The following DGUOK variants were observed in gnomAD, a reference collection of about 807,000 sequenced individuals.
The protein encoded by DGUOK is deoxyguanosine kinase, mitochondrial.
A neutral mutation model predicts 36.6 loss-of-function variants in DGUOK; 30 were observed. The ratio of observed to expected loss-of-function variants is 0.82; its 90% CI spans 0.61 to 1.11. The LOEUF is 1.11. Ranked by LOEUF, DGUOK falls within the 50% of genes most tolerant of loss-of-function variation. DGUOK has a pLI of 0.00. For missense variants in DGUOK, 361 were observed against 336.4 expected (o/e 1.07, Z -0.57); for synonymous variants, 145 against 126.3 (o/e 1.15, Z -0.99).
intron 2 of DGUOK, among the ~76,000 whole-genome samples, chr2:73,945,392 A>G (rs1682226473): frequency 6.6e-6 from 1 of 152,080 alleles, no homozygotes. Context: ...TCACCTTTAG[A>G]TGGAGGGTGT....
Position 73,950,645 on chromosome 2 carries a change from C to G in DGUOK, c.504C>G (p.Ile168Met), listed in dbSNP as rs546873527. The change falls in exon 4 of 7, where the codon ATC becomes ATG. Residue 168 changes from isoleucine (I) to methionine (M), a missense_variant. Coordinates refer to ENST00000264093, the MANE Select transcript of DGUOK (RefSeq NM_080916.3). ...NGSLSDIEWH[I>M]YQDWHSFLLW... ...CCCTCAGTGACATCGAGTGGCATAT[C>G]TATCAGGACTGGCATTCTTTTCTCC... 3 of 1,614,082 alleles carry G rather than the reference C, an allele frequency of 1.9e-6. No individual in the cohort carries two copies. Among genetic ancestry groups the G allele is most frequent in the Non-Finnish European group, 2.5e-6 (3 of 1,180,028 alleles).
intron 2 of DGUOK, among the ~76,000 whole-genome samples, chr2:73,942,893 A>G (rs1682002442): frequency 6.6e-6 from 1 of 152,326 alleles, no homozygotes; most frequent in Middle Eastern, 3.4e-3. Context: ...TGTTTTTATC[A>G]TGATCAAATG....
chr2:73,927,022 C>G lies in DGUOK; in HGVS notation c.112C>G (p.Pro38Ala). 1 of 1,610,618 alleles carries G rather than the reference C, an allele frequency of 6.2e-7. No individual in the cohort carries two copies. The highest frequency in any genetic ancestry group is 8.5e-7 in the Non-Finnish European group (1 of 1,180,014). ...SSRGLHAGRG[P>A]RRLSIEGNIA... Reference sequence around the variant, plus strand: ...CAGAGGCCTGCACGCGGGGCGCGGGCCCCGAAGGCTCTCCATCGAAGGCAA... The same window carrying G: ...CAGAGGCCTGCACGCGGGGCGCGGGGCCCGAAGGCTCTCCATCGAAGGCAA... The change falls in exon 1 of 7, where the codon CCC becomes GCC. Residue 38 changes from proline (P) to alanine (A), a missense_variant. Physicochemically the swap from Pro to Ala is conservative, Grantham distance 27. Coordinates refer to ENST00000264093, the MANE Select transcript of DGUOK (RefSeq NM_080916.3).
chr2:73,949,620 CAGT>C (rs1682568656), intron 3 of DGUOK, among the ~76,000 whole-genome samples: 1 of 152,188 alleles, frequency 6.6e-6, no homozygotes, highest in African/African-American at 2.4e-5. Flanking sequence ...GGTATTCTCT[CAGT>C]GGTGACACTC....
intron 3 of DGUOK, 149 bp from the exon 4 acceptor site, chr2:73,950,436 A>G (rs1682622651): frequency 8.7e-6 from 7 of 806,768 alleles, no homozygotes; most frequent in Non-Finnish European, 1.5e-5. Flanking sequence ...AGATTTCTTA[A>G]GGATTGATGA....
In DGUOK at chr2:73,927,019, G is replaced by A; in HGVS notation, c.109G>A (p.Gly37Arg). The A allele has an allele frequency of 2.5e-6, 4 of 1,610,590 alleles. No homozygotes were observed. Among genetic ancestry groups the A allele is most frequent in the Non-Finnish European group, 3.4e-6 (4 of 1,180,014 alleles). Reference protein sequence around the residue: ...SSSRGLHAGRGPRRLSIEGNI... With the variant: ...SSSRGLHAGRRPRRLSIEGNI... The stretch of plus-strand genomic sequence containing the variant: ...CTCCAGAGGCCTGCACGCGGGGCGC[G>A]GGCCCCGAAGGCTCTCCATCGAAGG... Residue 37 changes from glycine to arginine, a missense_variant, in exon 1 of 7, where the codon GGG becomes AGG. Physicochemically the swap from Gly to Arg is moderately radical, Grantham distance 125. Transcript: ENST00000264093.
intron 1 of DGUOK, among the ~76,000 whole-genome samples, chr2:73,933,507 C>G (rs1031417865): frequency 6.6e-6 from 1 of 152,110 alleles, no homozygotes; most frequent in Non-Finnish European, 1.5e-5. Flanking sequence ...AGCTGAATCA[C>G]CTGGTAGGCA....
Position 73,931,841 on chromosome 2 carries a change from A to G in DGUOK, c.142+4789A>G, listed in dbSNP as rs1681062712. On this transcript the variant is annotated intron_variant, in intron 1 of 6. Transcript: ENST00000264093. ...TGGAGGGAGGAAAGATGCAGGCCTGAATAGAAGAACTGAAATGACAGAGAA... is the reference window on the plus strand; with the variant it reads ...TGGAGGGAGGAAAGATGCAGGCCTGGATAGAAGAACTGAAATGACAGAGAA... 2.0e-5 allele frequency among the ~76,000 whole-genome samples: 3 copies of G among 152,120 alleles called. No homozygotes were observed. In the South Asian group the frequency reaches 6.2e-4, roughly 32 times the overall value.
chr2:73,934,464 A>T (rs962531671), intron 1 of DGUOK, among the ~76,000 whole-genome samples: 1 of 152,206 alleles, frequency 6.6e-6, no homozygotes, highest in African/African-American at 2.4e-5. Flanking sequence ...GAGTATATTG[A>T]AAGACAGGCC....
intron 3 of DGUOK, among the ~76,000 whole-genome samples, chr2:73,948,555 G>A (rs1438737884): frequency 1.3e-5 from 2 of 152,232 alleles, no homozygotes; most frequent in Admixed American, 6.5e-5. Flanking sequence ...GGCTGGCCCT[G>A]GGGCTGCAGC....
At chr2:73,930,956 C>A (rs1376604895) in intron 1 of DGUOK, among the ~76,000 whole-genome samples, 1 of 151,210 alleles carries the variant, frequency 6.6e-6, no homozygotes, top group Non-Finnish European at 1.5e-5. Context: ...CCACCATGCC[C>A]AGCTAATTTC....
At chr2:73,940,441 G>A (rs1681818910) in intron 2 of DGUOK, among the ~76,000 whole-genome samples, 1 of 152,088 alleles carries the variant, frequency 6.6e-6, no homozygotes, top group South Asian at 2.1e-4. Flanking sequence ...TACCTTTTGT[G>A]GCTGGCATAT....
intron 1 of DGUOK, among the ~76,000 whole-genome samples, chr2:73,937,402 A>G (rs903588703): frequency 4.6e-5 from 7 of 152,356 alleles, no homozygotes; most frequent in Non-Finnish European, 7.3e-5. Context: ...TGGCCACAGT[A>G]TGGAGCATGG....
At chr2:73,957,940 T>G (rs2105007103) in intron 5 of DGUOK, 1 of 481,164 alleles carries the variant, frequency 2.1e-6, no homozygotes. Flanking sequence ...TTAGTATCAC[T>G]CTCAAGAATG....
intron 1 of DGUOK, among the ~76,000 whole-genome samples, chr2:73,935,210 C>G (rs1681369093): frequency 6.6e-6 from 1 of 152,182 alleles, no homozygotes; most frequent in Admixed American, 6.5e-5. Context: ...CACTGCACTC[C>G]AGCCTGGGTG....
chr2:73,958,197 T>G lies in DGUOK; in HGVS notation c.759T>G (p.Asn253Lys). The change falls in exon 6 of 7, where the codon AAT becomes AAG. Residue 253 changes from asparagine to lysine, a missense_variant. Asn to Lys is a moderately conservative substitution (Grantham distance 94). Transcript: ENST00000264093. The stretch of plus-strand genomic sequence containing the variant: ...TTCCAGTGCTGGTGTTGGATGTCAA[T>G]GATGATTTTTCTGAGGAAGTAACCA... ...MNIPVLVLDV[N>K]DDFSEEVTKQ... 1 of 1,613,878 alleles carries G rather than the reference T, an allele frequency of 6.2e-7. No homozygotes were observed. Among genetic ancestry groups the G allele is most frequent in the Non-Finnish European group, 8.5e-7 (1 of 1,179,818 alleles).
intron 1 of DGUOK, among the ~76,000 whole-genome samples, chr2:73,937,088 C>G (rs1042529170): frequency 2.6e-5 from 4 of 152,198 alleles, no homozygotes; most frequent in African/African-American, 9.7e-5. Flanking sequence ...TAAAGGAAAG[C>G]CAAGGCCAGA....
intron 4 of DGUOK, among the ~76,000 whole-genome samples, chr2:73,951,775 T>C (rs1319016741): frequency 6.6e-6 from 1 of 152,120 alleles, no homozygotes; most frequent in African/African-American, 2.4e-5. Flanking sequence ...GGGCCAGATA[T>C]TGGGGATCTT....
At chr2:73,939,770 G>C (rs1236631659) in intron 2 of DGUOK, among the ~76,000 whole-genome samples, 1 of 152,172 alleles carries the variant, frequency 6.6e-6, no homozygotes, top group Non-Finnish European at 1.5e-5. Context: ...CTTTTAATGA[G>C]CCATGTTGCA....
Sources: gnomAD v4.1 joint callset for allele counts (sites outside exome capture counted in the v4.1 genomes callset) on GRCh38, gnomAD v4.1.1 for gene constraint, MANE v1.5 for transcripts, NCBI Gene and HGNC (gene_info 2026-07-23, HGNC 2026-07-21) for gene names.